The following TBC1D9 variants were observed in gnomAD, a reference collection of about 807,000 sequenced individuals.
The protein encoded by TBC1D9 is TBC1 domain family member 9.
TBC1D9 carries 63 observed loss-of-function variants against 132.0 expected under a neutral mutation model. The observed-to-expected ratio is 0.48, with a 90% confidence interval of 0.39 to 0.59. The LOEUF is 0.59. Among genes scored for constraint, TBC1D9 ranks in the 20% least tolerant of loss-of-function variants. TBC1D9 has a pLI of 0.00. For missense variants in TBC1D9, 1,261 were observed against 1,592.7 expected (o/e 0.79, Z 3.54); for synonymous variants, 610 against 609.9 (o/e 1.00, Z 0.00).
intron 2 of TBC1D9, among the ~76,000 whole-genome samples, chr4:140,693,846 G>A (rs1737911857): frequency 6.6e-6 from 1 of 152,114 alleles, no homozygotes; most frequent in Middle Eastern, 3.2e-3. Context: ...ACATAACTCT[G>A]CTTATAATCT....
intron 15 of TBC1D9, among the ~76,000 whole-genome samples, chr4:140,638,669 G>A (rs1455723007): frequency 6.6e-6 from 1 of 151,938 alleles, no homozygotes; most frequent in African/African-American, 2.4e-5. Flanking sequence ...AATTAGGAAA[G>A]GAAAATCACA....
At chr4:140,734,953 G>A (rs1241012760) in intron 1 of TBC1D9, among the ~76,000 whole-genome samples, 2 of 152,094 alleles carry the variant, frequency 1.3e-5, no homozygotes, top group Admixed American at 6.6e-5. Flanking sequence ...AACTACATTC[G>A]CATATTTAGC....
intron 1 of TBC1D9, among the ~76,000 whole-genome samples, chr4:140,755,548 T>C (rs1291252164): frequency 6.6e-6 from 1 of 152,094 alleles, no homozygotes; most frequent in Admixed American, 6.5e-5. Context: ...AAATTAACCT[T>C]CTTCCATCCC....
At chr4:140,637,733 C>CTGCA (rs1736903391) in intron 15 of TBC1D9, among the ~76,000 whole-genome samples, 1 of 152,222 alleles carries the variant, frequency 6.6e-6, no homozygotes, top group African/African-American at 2.4e-5. Context: ...ACCACAGAGA[C>CTGCA]TGCACCCTCA....
chr4:140,662,154 C>A, intron 9 of TBC1D9, 47 bp from the exon 10 acceptor site: 1 of 1,510,626 alleles, frequency 6.6e-7, no homozygotes, highest in Non-Finnish European at 9.2e-7. Flanking sequence ...GAGAGCTCTG[C>A]CTTTTGGTTT....
At chr4:140,627,327 C>G (rs945908482) in intron 18 of TBC1D9, 114 bp downstream of exon 18, 2 of 689,276 alleles carry the variant, frequency 2.9e-6, no homozygotes, top group Admixed American at 5.2e-5. Context: ...CCAATTAAGG[C>G]AACCATATTT....
chr4:140,625,488 C>T (rs1470967230), intron 18 of TBC1D9, among the ~76,000 whole-genome samples: 1 of 152,132 alleles, frequency 6.6e-6, no homozygotes, highest in Non-Finnish European at 1.5e-5. Context: ...ACTTCTTCAA[C>T]CACCCAAAGC....
At chr4:140,671,074 TCTGTTC>T in intron 6 of TBC1D9, 148 bp from the exon 7 acceptor site, 1 of 637,504 alleles carries the variant, frequency 1.6e-6, no homozygotes, top group South Asian at 2.0e-5. Flanking sequence ...ACTCTTTGAC[TCTGTTC>T]CAGTAAAATA....
chr4:140,622,707 G>A lies in TBC1D9; in HGVS notation c.3289C>T (p.Pro1097Ser), dbSNP rs779998118. 15 of 1,611,022 alleles carry A rather than the reference G, an allele frequency of 9.3e-6. No homozygotes were observed. In the East Asian group the frequency reaches 3.3e-4, roughly 36 times the overall value. The part of the protein sequence containing the change: ...CHQGIPGVLF[P>S]KKGPGQPYVV... Reference sequence around the variant, plus strand: ...TAAGGCTGGCCTGGCCCTTTCTTGGGGAAGAGCACGCCTGGGATGCCCTGG... The same window carrying A: ...TAAGGCTGGCCTGGCCCTTTCTTGGAGAAGAGCACGCCTGGGATGCCCTGG... The change falls in exon 21 of 21, where the codon CCC (proline) becomes TCC (serine). Residue 1097 changes from proline to serine, a missense_variant. By Grantham distance (74) the Pro-to-Ser change is moderately conservative. Transcript: ENST00000442267.
intron 13 of TBC1D9, chr4:140,645,218 C>T (rs1251723142): frequency 1.1e-5 from 6 of 538,716 alleles, no homozygotes; most frequent in South Asian, 5.7e-5. Flanking sequence ...GCAGCCATTA[C>T]TCCTGGTGTC....
chr4:140,694,587 GA>G (rs1737923728), intron 2 of TBC1D9, among the ~76,000 whole-genome samples: 2 of 142,336 alleles, frequency 1.4e-5, no homozygotes, highest in Admixed American at 7.0e-5. Flanking sequence ...AAAAAAAAAA[GA>G]AAAAAGAAAA....
intron 13 of TBC1D9, among the ~76,000 whole-genome samples, chr4:140,648,251 C>T (rs2110987347): frequency 6.6e-6 from 1 of 152,274 alleles, no homozygotes; most frequent in African/African-American, 2.4e-5. Context: ...TATCTCTTAT[C>T]CAACTCAACT....
chr4:140,700,389 G>T (rs1385795953), intron 2 of TBC1D9, among the ~76,000 whole-genome samples: 2 of 151,482 alleles, frequency 1.3e-5, no homozygotes, highest in South Asian at 2.1e-4. Context: ...GGTAGAGGTT[G>T]CAGTGAGCCA....
intron 13 of TBC1D9, chr4:140,643,928 C>T (rs1435501134): frequency 3.0e-6 from 2 of 671,700 alleles, no homozygotes; most frequent in Admixed American, 1.9e-5. Flanking sequence ...CTGCGGGGCG[C>T]TCGTCCACAT....
intron 13 of TBC1D9, chr4:140,642,456 C>G (rs563202517): frequency 9.8e-6 from 9 of 919,132 alleles, no homozygotes; most frequent in Non-Finnish European, 1.6e-5. Flanking sequence ...GAGTTAAGTA[C>G]TTGCTGCAGC....
In TBC1D9 at chr4:140,622,015, T is replaced by G; in HGVS notation, c.*180A>C. 8 of 806,888 alleles carry G rather than the reference T, an allele frequency of 9.9e-6. No individual in the cohort carries two copies. The highest frequency in any genetic ancestry group is 1.1e-5 in the Non-Finnish European group (6 of 554,326). 50.0% of individuals were successfully genotyped at this position (806,888 alleles called of 1,614,324 possible). Reference sequence around the variant, plus strand: ...GCAACAAGAGTGTAATGTACCTACATTGAGGTGTTTAAATATTTCTCCAAC... The same window carrying G: ...GCAACAAGAGTGTAATGTACCTACAGTGAGGTGTTTAAATATTTCTCCAAC... On this transcript the variant is annotated 3_prime_UTR_variant, in exon 21 of 21. Coordinates refer to ENST00000442267, the MANE Select transcript of TBC1D9 (RefSeq NM_015130.3).
At chr4:140,754,998 C>T (rs1738987073) in intron 1 of TBC1D9, among the ~76,000 whole-genome samples, 1 of 152,206 alleles carries the variant, frequency 6.6e-6, no homozygotes, top group African/African-American at 2.4e-5. Context: ...TTGATATAAG[C>T]TCAACTCTGA....
chr4:140,626,731 C>A (rs1174173571), intron 18 of TBC1D9, among the ~76,000 whole-genome samples: 2 of 152,184 alleles, frequency 1.3e-5, no homozygotes, highest in Non-Finnish European at 2.9e-5. Flanking sequence ...GTAGACCTAT[C>A]ATCCACAGAG....
chr4:140,730,325 T>C (rs987421116), intron 1 of TBC1D9, among the ~76,000 whole-genome samples: 3 of 152,218 alleles, frequency 2.0e-5, no homozygotes, highest in African/African-American at 7.2e-5. Flanking sequence ...AAAAGCCCTC[T>C]GCCTTACATT....
Sources: allele counts gnomAD v4.1 joint callset (sites outside exome capture counted in the v4.1 genomes callset), GRCh38; gene constraint gnomAD v4.1.1; transcripts MANE v1.5; gene names NCBI Gene and HGNC (gene_info 2026-07-23, HGNC 2026-07-21).